SLC22A15: variants seen among roughly 807,000 people sequenced by gnomAD.
SLC22A15 encodes solute carrier family 22 member 15.
A neutral mutation model predicts 62.7 loss-of-function variants in SLC22A15; 45 were observed. The ratio of observed to expected loss-of-function variants is 0.72; its 90% CI spans 0.56 to 0.92. SLC22A15 has a LOEUF of 0.92. Among genes scored for constraint, SLC22A15 ranks in the 40% least tolerant of loss-of-function variants. The pLI is 0.00. For synonymous variants in SLC22A15, 264 were observed against 267.0 expected (o/e 0.99, Z 0.11); for missense variants, 622 against 665.6 (o/e 0.93, Z 0.72).
chr1:116,050,483 C>CA (rs1350352931), intron 8 of SLC22A15, among the ~76,000 whole-genome samples: 1 of 152,126 alleles, frequency 6.6e-6, no homozygotes, highest in African/African-American at 2.4e-5. Flanking sequence ...GAATTAAAAA[C>CA]AAAAATCACA....
chr1:116,043,979 A>C (rs1424054600), intron 8 of SLC22A15, among the ~76,000 whole-genome samples: 2 of 152,242 alleles, frequency 1.3e-5, no homozygotes, highest in Non-Finnish European at 2.9e-5. Flanking sequence ...CCACAAAAAG[A>C]ATTCTAGGCC....
intron 8 of SLC22A15, among the ~76,000 whole-genome samples, chr1:116,058,266 A>T (rs1014618844): frequency 6.6e-6 from 1 of 152,268 alleles, no homozygotes; most frequent in Non-Finnish European, 1.5e-5. Context: ...CAAACAAATC[A>T]GTAAGGAAAA....
chr1:116,056,761 A>G (rs1254008277), intron 8 of SLC22A15, among the ~76,000 whole-genome samples: 1 of 152,218 alleles, frequency 6.6e-6, no homozygotes, highest in Non-Finnish European at 1.5e-5. Flanking sequence ...GCATATCTAC[A>G]ACTATCGGAT....
At chr1:116,059,066 A>G (rs1435748661) in intron 8 of SLC22A15, among the ~76,000 whole-genome samples, 1 of 152,166 alleles carries the variant, frequency 6.6e-6, no homozygotes, top group African/African-American at 2.4e-5. Flanking sequence ...GAACTTACTC[A>G]TGTAACCAAA....
intron 8 of SLC22A15, among the ~76,000 whole-genome samples, chr1:116,061,823 A>T (rs556789161): frequency 6.6e-6 from 1 of 152,352 alleles, no homozygotes; most frequent in East Asian, 1.9e-4. Flanking sequence ...AAATAAAAGC[A>T]TTACATTAAG....
chr1:115,978,625 C>T (rs558453138), intron 1 of SLC22A15, among the ~76,000 whole-genome samples: 1 of 152,200 alleles, frequency 6.6e-6, no homozygotes, highest in South Asian at 2.1e-4. Context: ...CTCAGTTACC[C>T]CATTGAGATA....
At chr1:116,001,469 A>G (rs1655726714) in intron 2 of SLC22A15, among the ~76,000 whole-genome samples, 1 of 151,930 alleles carries the variant, frequency 6.6e-6, no homozygotes, top group Non-Finnish European at 1.5e-5. Flanking sequence ...ATAACTCTGT[A>G]TTTGCTCTTT....
At chr1:115,998,510 A>G (rs983752113) in intron 2 of SLC22A15, among the ~76,000 whole-genome samples, 7 of 152,042 alleles carry the variant, frequency 4.6e-5, no homozygotes, top group African/African-American at 1.4e-4. Flanking sequence ...TCATGGCTCA[A>G]TCTTGGAAAG....
At position 116,067,293 on chromosome 1, in the gene SLC22A15, AC is replaced by A; in HGVS notation, c.*186del. On this transcript the variant is annotated 3_prime_UTR_variant, in exon 12 of 12. Coordinates refer to ENST00000369503, the MANE Select transcript of SLC22A15 (RefSeq NM_018420.3). ...TGGAGAAGAGATTTCATGAAAGACA[AC>A]ATCACTGCATTGAGAGAATAGTTGT... 1.7e-6 allele frequency: 1 copy of A among 583,574 alleles called. No individual in the cohort carries two copies. 36.1% of individuals were successfully genotyped at this position (583,574 alleles called of 1,614,324 possible). A position where few individuals can be genotyped will look rare whatever the true frequency, so the allele number is the denominator to read the frequency against.
At chr1:115,981,793 G>T (rs1654623061) in intron 1 of SLC22A15, among the ~76,000 whole-genome samples, 3 of 152,166 alleles carry the variant, frequency 2.0e-5, no homozygotes, top group African/African-American at 7.2e-5. Flanking sequence ...GGCCATCCCT[G>T]GCTGTTTGAC....
chr1:116,032,400 A>G (rs1657447078), intron 6 of SLC22A15: 1 of 985,250 alleles, frequency 1.0e-6, no homozygotes. Context: ...AGCCTAAAGG[A>G]CAGTTGTGCT....
intron 2 of SLC22A15, among the ~76,000 whole-genome samples, chr1:115,993,861 T>C (rs1160851861): frequency 6.6e-6 from 1 of 151,946 alleles, no homozygotes; most frequent in African/African-American, 2.4e-5. Flanking sequence ...CCTATGGAAA[T>C]ATTTACTATT....
chr1:116,030,612 T>A (rs1161193594), intron 5 of SLC22A15, among the ~76,000 whole-genome samples: 2 of 152,180 alleles, frequency 1.3e-5, no homozygotes, highest in Non-Finnish European at 2.9e-5. Context: ...TCAATGGCAA[T>A]ATAATTATCC....
chr1:116,003,988 G>A (rs1655856960), intron 2 of SLC22A15, among the ~76,000 whole-genome samples: 1 of 152,144 alleles, frequency 6.6e-6, no homozygotes, highest in African/African-American at 2.4e-5. Flanking sequence ...TATTATCAAG[G>A]AACTGAAACT....
Position 116,019,576 on chromosome 1 carries a change from C to T in SLC22A15, c.301-6C>T, listed in dbSNP as rs1656713995. On this transcript the variant is annotated splice_polypyrimidine_tract_variant and splice_region_variant and intron_variant, in intron 2 of 11. Coordinates refer to ENST00000369503, the MANE Select transcript of SLC22A15 (RefSeq NM_018420.3). ...CATGTCTCTCTTTTGTTTTATCTTC[C>T]TCTAGTGGTTTTTAATTGCCAACAG... is the stretch of plus-strand genomic sequence containing the variant. The T allele has an allele frequency of 1.3e-6, 2 of 1,594,232 alleles. No individual in the cohort carries two copies. Among genetic ancestry groups the T allele is most frequent in the African/African-American group, 1.4e-5 (1 of 73,474 alleles).
intron 1 of SLC22A15, 88 bp downstream of exon 1, chr1:115,976,802 G>C (rs1218739680): frequency 2.8e-6 from 3 of 1,056,826 alleles, no homozygotes; most frequent in African/African-American, 3.3e-5. Flanking sequence ...CGCCGGGGCC[G>C]GGGCCGAGGC....
At chr1:115,985,553 G>C (rs1189151122) in intron 1 of SLC22A15, among the ~76,000 whole-genome samples, 1 of 151,912 alleles carries the variant, frequency 6.6e-6, no homozygotes, top group African/African-American at 2.4e-5. Flanking sequence ...AATATAATGT[G>C]TTGCAAAGTT....
chr1:116,007,922 T>C (rs1656062802), intron 2 of SLC22A15, among the ~76,000 whole-genome samples: 1 of 152,172 alleles, frequency 6.6e-6, no homozygotes, highest in South Asian at 2.1e-4. Context: ...ACTTTGCTGT[T>C]GTCATTGCAG....
In SLC22A15 at chr1:116,069,095, G is replaced by C. The variant is rs1240715647; in HGVS notation, c.*1987G>C. ...TGGGTTCGATTGCCTCTGGCTAATAGAGTTCAATTAGTTCTATCCCTGGGT... is the reference window on the plus strand; with the variant it reads ...TGGGTTCGATTGCCTCTGGCTAATACAGTTCAATTAGTTCTATCCCTGGGT... On this transcript the variant is annotated 3_prime_UTR_variant, in exon 12 of 12. Coordinates refer to ENST00000369503, the MANE Select transcript of SLC22A15 (RefSeq NM_018420.3). The C allele has an allele frequency of 1.3e-5, 2 of 152,270 alleles. No homozygotes were observed. Among genetic ancestry groups the C allele is most frequent in the African/African-American group, 2.4e-5 (1 of 41,552 alleles). 9.4% of individuals were successfully genotyped at this position (152,270 alleles called of 1,614,324 possible). A position where few individuals can be genotyped will look rare whatever the true frequency, so the allele number is the denominator to read the frequency against.
Sources: gnomAD v4.1 joint callset for allele counts (sites outside exome capture counted in the v4.1 genomes callset) on GRCh38, gnomAD v4.1.1 for gene constraint, MANE v1.5 for transcripts, NCBI Gene and HGNC (gene_info 2026-07-23, HGNC 2026-07-21) for gene names.